The following PDE1C variants were observed in gnomAD, a reference collection of about 807,000 sequenced individuals.
PDE1C encodes the protein phosphodiesterase 1C.
In PDE1C, 62 loss-of-function variants were observed where a neutral mutation model predicts 93.1. That is an observed-to-expected ratio of 0.67 (90% CI 0.54 to 0.82). PDE1C has a LOEUF of 0.82. Ranked by LOEUF, PDE1C falls within the 40% of genes least tolerant of loss-of-function variation. The pLI, the probability that PDE1C is intolerant of heterozygous loss-of-function variation, is 0.00. For synonymous variants in PDE1C, 325 were observed against 310.1 expected (o/e 1.05, Z -0.50); for missense variants, 742 against 884.6 (o/e 0.84, Z 2.04).
At chr7:31,687,259 AC>A in the PDE1C span, 3 of 152,342 alleles carry the variant, frequency 2.0e-5, no homozygotes, top group East Asian at 5.8e-4. Context: ...GTGAGCACAC[AC>A]GCCCTCCCTG....
intron 3 of PDE1C, among the ~76,000 whole-genome samples, chr7:32,106,431 T>C (rs1039359748): frequency 4.0e-5 from 6 of 151,852 alleles, no homozygotes; most frequent in African/African-American, 1.5e-4. Context: ...ATGAAATAGA[T>C]GGAGATTAGA....
intron 9 of PDE1C, among the ~76,000 whole-genome samples, chr7:31,839,947 G>T (rs1791630906): frequency 6.6e-6 from 1 of 152,188 alleles, no homozygotes; most frequent in Non-Finnish European, 1.5e-5. Flanking sequence ...TGAGACAGGA[G>T]AATTGCTTGA....
At chr7:32,008,934 A>AC (rs1563185779) in intron 2 of PDE1C, among the ~76,000 whole-genome samples, 1 of 8,200 alleles carries the variant, frequency 1.2e-4, no homozygotes, top group Non-Finnish European at 1.8e-4. Context: ...ATATCATAAG[A>AC]CAAAAAAAAG....
At chr7:31,922,492 T>A (rs1242141088) in intron 2 of PDE1C, among the ~76,000 whole-genome samples, 1 of 152,234 alleles carries the variant, frequency 6.6e-6, no homozygotes, top group Non-Finnish European at 1.5e-5. Context: ...TGAATATGTA[T>A]AAATGTTTAT....
chr7:31,708,026 T>C, the PDE1C span: 3 of 152,252 alleles, frequency 2.0e-5, no homozygotes, highest in African/African-American at 7.2e-5. Context: ...AGTGAGTCAT[T>C]ATCAATGGTA....
the PDE1C span, among the ~76,000 whole-genome samples, chr7:31,720,656 A>C: frequency 6.6e-6 from 1 of 152,206 alleles, no homozygotes; most frequent in Non-Finnish European, 1.5e-5. Flanking sequence ...ATAGCAAATC[A>C]ACAGGGTGTC....
At chr7:32,349,331 TG>T (rs1167068395) in intron 1 of PDE1C, among the ~76,000 whole-genome samples, 1 of 152,114 alleles carries the variant, frequency 6.6e-6, no homozygotes, top group African/African-American at 2.4e-5. Flanking sequence ...GTGGGGCAGG[TG>T]TCACATTGAA....
At chr7:31,630,587 T>C in the PDE1C span, among the ~76,000 whole-genome samples, 1 of 152,176 alleles carries the variant, frequency 6.6e-6, no homozygotes, top group Admixed American at 6.5e-5. Context: ...ATGCCTACTT[T>C]CAGAACAACA....
chr7:31,999,952 G>A (rs140252827), intron 2 of PDE1C, among the ~76,000 whole-genome samples: 1 of 152,262 alleles, frequency 6.6e-6, no homozygotes, highest in East Asian at 1.9e-4. Flanking sequence ...CAGAGGCAGG[G>A]AGTTAGGGGG....
chr7:31,779,479 C>A lies in PDE1C; in HGVS notation c.1892-3747G>T, dbSNP rs74432561. ...TAGCTTTTCATCCCCTTGGTGTCTT[C>A]TTTGCAAACACTGAGTAAGGGAACT... On this transcript the variant is annotated intron_variant, in intron 16 of 17. Coordinates refer to ENST00000396191, the MANE Select transcript of PDE1C (RefSeq NM_001191057.4). Among the ~76,000 whole-genome samples, 619 of 152,270 alleles carry A rather than the reference C, an allele frequency of 4.1e-3. 8 individuals are homozygous for A. The highest frequency in any genetic ancestry group is 0.029 in the East Asian group (148 of 5,178).
the PDE1C span, among the ~76,000 whole-genome samples, chr7:31,676,264 T>A: frequency 6.6e-6 from 1 of 151,984 alleles, no homozygotes; most frequent in Non-Finnish European, 1.5e-5. Flanking sequence ...AGAAACTACA[T>A]TTTCTTTACA....
intron 16 of PDE1C, chr7:31,785,174 T>C (rs912400242): frequency 8.5e-5 from 13 of 152,264 alleles, no homozygotes; most frequent in African/African-American, 3.1e-4. Context: ...TGGCTGAAGC[T>C]GACCAAAGCT....
At chr7:31,982,904 C>T (rs544026168) in intron 2 of PDE1C, among the ~76,000 whole-genome samples, 3 of 152,276 alleles carry the variant, frequency 2.0e-5, no homozygotes, top group East Asian at 3.9e-4. Flanking sequence ...CAGTTAGCTC[C>T]TCTCTCCATA....
intron 14 of PDE1C, among the ~76,000 whole-genome samples, chr7:31,821,908 C>G (rs1310702453): frequency 6.6e-6 from 1 of 152,036 alleles, no homozygotes; most frequent in Non-Finnish European, 1.5e-5. Flanking sequence ...TACCCACCGT[C>G]CCCACCCTTC....
chr7:31,942,290 T>A (rs1303701271), intron 2 of PDE1C, among the ~76,000 whole-genome samples: 1 of 152,040 alleles, frequency 6.6e-6, no homozygotes, highest in Admixed American at 6.6e-5. Flanking sequence ...CTTCTAAAGC[T>A]CTCCAGGAAA....
At chr7:31,851,576 C>T (rs182716230) in intron 7 of PDE1C, among the ~76,000 whole-genome samples, 14 of 152,350 alleles carry the variant, frequency 9.2e-5, no homozygotes, top group South Asian at 4.1e-4. Flanking sequence ...CATGCTCACA[C>T]GACAGAATAT....
intron 1 of PDE1C, among the ~76,000 whole-genome samples, chr7:32,314,320 T>G (rs35513146): frequency 0.12 from 18,095 of 152,182 alleles, 1,182 homozygotes; most frequent in East Asian, 0.18. Context: ...AAAATTCTAG[T>G]TCATTAAGAG....
At chr7:32,002,400 G>T (rs1785586807) in intron 2 of PDE1C, among the ~76,000 whole-genome samples, 1 of 152,168 alleles carries the variant, frequency 6.6e-6, no homozygotes, top group Non-Finnish European at 1.5e-5. Flanking sequence ...TCACCTAGTT[G>T]AAGGTAGTCT....
At chr7:31,717,585 G>A in the PDE1C span, among the ~76,000 whole-genome samples, 1 of 152,056 alleles carries the variant, frequency 6.6e-6, no homozygotes, top group Non-Finnish European at 1.5e-5. Context: ...TGGAAGCTAG[G>A]AAGCTAACCA....
Sources: allele counts gnomAD v4.1 joint callset (sites outside exome capture counted in the v4.1 genomes callset), GRCh38; gene constraint gnomAD v4.1.1; transcripts MANE v1.5; gene names NCBI Gene and HGNC (gene_info 2026-07-23, HGNC 2026-07-21).